PDE4D: variants seen among roughly 807,000 people sequenced by gnomAD.
The protein encoded by PDE4D is 3',5'-cyclic-AMP phosphodiesterase 4D.
Under a neutral mutation model 87.4 loss-of-function variants are expected in PDE4D, and 24 were observed. That is an observed-to-expected ratio of 0.27 (90% CI 0.20 to 0.39). The LOEUF is 0.39. Among genes scored for constraint, PDE4D ranks in the 10% least tolerant of loss-of-function variants. The pLI is 1.00. For missense variants in PDE4D, 714 were observed against 1,041.0 expected, an observed-to-expected ratio of 0.69 and a Z score of 4.32; for synonymous variants, 384 against 383.2, an observed-to-expected ratio of 1.00 and a Z score of -0.02.
intron 2 of PDE4D, among the ~76,000 whole-genome samples, chr5:60,045,708 T>C (rs887169667): frequency 6.6e-6 from 1 of 152,206 alleles, no homozygotes; most frequent in Non-Finnish European, 1.5e-5. Flanking sequence ...CTCTGTTCTG[T>C]TCCATTGATC....
chr5:59,556,638 T>A (rs1202283640), intron 1 of PDE4D, among the ~76,000 whole-genome samples: 1 of 152,190 alleles, frequency 6.6e-6, no homozygotes, highest in African/African-American at 2.4e-5. Flanking sequence ...GCATTTCTTT[T>A]GTTTTCCTGC....
chr5:59,716,552 T>A (rs73758867), intron 1 of PDE4D, among the ~76,000 whole-genome samples: 12,313 of 152,218 alleles, frequency 0.081, 1,544 homozygotes, highest in African/African-American at 0.27. Context: ...AAGTTGGTAA[T>A]CCTCTTACTT....
chr5:60,304,502 G>A (rs10038606), intron 1 of PDE4D, among the ~76,000 whole-genome samples: 3 of 151,178 alleles, frequency 2.0e-5, no homozygotes, highest in Non-Finnish European at 2.9e-5. Flanking sequence ...AAAATTAGCC[G>A]GGCGCGGTGG....
At chr5:60,180,246 T>C (rs2149497822) in intron 2 of PDE4D, among the ~76,000 whole-genome samples, 1 of 152,334 alleles carries the variant, frequency 6.6e-6, no homozygotes, top group East Asian at 1.9e-4. Context: ...ACCTTTCCTG[T>C]CATTCTCACA....
intron 2 of PDE4D, among the ~76,000 whole-genome samples, chr5:60,177,882 T>C (rs866880184): frequency 1.3e-5 from 2 of 152,188 alleles, no homozygotes; most frequent in Non-Finnish European, 2.9e-5. Flanking sequence ...CGTGTATTAC[T>C]GTAATGAAAG....
At chr5:60,434,528 G>T (rs1744612305) in intron 1 of PDE4D, among the ~76,000 whole-genome samples, 1 of 152,060 alleles carries the variant, frequency 6.6e-6, no homozygotes, top group African/African-American at 2.4e-5. Flanking sequence ...AAGTAAGAAA[G>T]ATTTAATGGA....
intron 1 of PDE4D, among the ~76,000 whole-genome samples, chr5:59,426,998 TACACACAC>T (rs3061709): frequency 0.12 from 14,950 of 124,946 alleles, 950 homozygotes; most frequent in Non-Finnish European, 0.16. Context: ...CTTGAAGCTA[TACACACAC>T]ACACACACAC....
chr5:59,247,473 G>A lies in PDE4D; in HGVS notation c.456-31505C>T, dbSNP rs561081154. 5.9e-5 allele frequency among the ~76,000 whole-genome samples: 9 copies of A among 152,226 alleles called. No homozygotes were observed. In the South Asian group the frequency reaches 1.7e-3, roughly 28 times the overall value. ...CAGAGCCTCCGTAATGGGCACTTTA[G>A]GAGAGGTGAATATGGTTTGACTGGA... is the stretch of plus-strand genomic sequence containing the variant. On this transcript the variant is annotated intron_variant, in intron 1 of 14. Transcript: ENST00000340635.
chr5:60,466,721 G>C (rs1561287291), intron 1 of PDE4D, among the ~76,000 whole-genome samples: 1 of 152,000 alleles, frequency 6.6e-6, no homozygotes, highest in Admixed American at 6.6e-5. Context: ...TTATCAACTA[G>C]GATTGTCTCA....
At chr5:59,888,187 G>A (rs1561819669) in intron 1 of PDE4D, among the ~76,000 whole-genome samples, 1 of 152,180 alleles carries the variant, frequency 6.6e-6, no homozygotes, top group Non-Finnish European at 1.5e-5. Flanking sequence ...CCACATGTGG[G>A]CAACTGAACC....
intron 1 of PDE4D, among the ~76,000 whole-genome samples, chr5:59,380,178 A>G (rs887664853): frequency 1.3e-5 from 2 of 152,206 alleles, no homozygotes; most frequent in Non-Finnish European, 2.9e-5. Flanking sequence ...ATATGCATAA[A>G]TCATATGCAT....
At chr5:58,998,864 G>C (rs4700316) in intron 6 of PDE4D, among the ~76,000 whole-genome samples, 31,083 of 151,976 alleles carry the variant, frequency 0.2, 3,632 homozygotes, top group East Asian at 0.54. Context: ...ACAGGGCATG[G>C]AAAAAGCCTG....
At chr5:60,245,923 A>G (rs4700369) in intron 1 of PDE4D, among the ~76,000 whole-genome samples, 30,576 of 151,782 alleles carry the variant, frequency 0.2, 4,248 homozygotes, top group East Asian at 0.66. Flanking sequence ...AATAACTAAA[A>G]GAGTATAATT....
At chr5:59,955,183 C>G (rs1226703234) in intron 3 of PDE4D, among the ~76,000 whole-genome samples, 2 of 152,098 alleles carry the variant, frequency 1.3e-5, no homozygotes, top group African/African-American at 2.4e-5. Context: ...CATGGTTGTG[C>G]CTCTGGAGAG....
chr5:59,072,956 GA>G (rs1388827672), intron 5 of PDE4D, among the ~76,000 whole-genome samples: 6 of 152,310 alleles, frequency 3.9e-5, no homozygotes, highest in Non-Finnish European at 5.9e-5. Flanking sequence ...TGCAGGTCAT[GA>G]ATCGCTTAGA....
chr5:59,145,055 T>G (rs1778429869), intron 5 of PDE4D, among the ~76,000 whole-genome samples: 1 of 151,858 alleles, frequency 6.6e-6, no homozygotes, highest in Non-Finnish European at 1.5e-5. Flanking sequence ...TCAAAGAAAA[T>G]AAAGGGTGAA....
intron 1 of PDE4D, among the ~76,000 whole-genome samples, chr5:60,339,743 C>T (rs1310507167): frequency 6.6e-6 from 1 of 152,190 alleles, no homozygotes; most frequent in Admixed American, 6.5e-5. Context: ...GCTCATCCTT[C>T]CAACTCGACA....
At chr5:59,938,264 G>A (rs921155625) in intron 3 of PDE4D, among the ~76,000 whole-genome samples, 7 of 152,092 alleles carry the variant, frequency 4.6e-5, no homozygotes, top group African/African-American at 1.7e-4. Context: ...ACTCAGTTAA[G>A]TCACTAGAAG....
At chr5:59,229,449 C>T (rs928374003) in intron 1 of PDE4D, among the ~76,000 whole-genome samples, 1 of 152,088 alleles carries the variant, frequency 6.6e-6, no homozygotes, top group Non-Finnish European at 1.5e-5. Context: ...GGCATTTTAA[C>T]GGGGGTTATT....
Sources: allele counts gnomAD v4.1 joint callset (sites outside exome capture counted in the v4.1 genomes callset), GRCh38; gene constraint gnomAD v4.1.1; transcripts MANE v1.5; gene names NCBI Gene and HGNC (gene_info 2026-07-23, HGNC 2026-07-21).